Variants in THSD7B observed in about 807,000 individuals in gnomAD.
THSD7B encodes the protein thrombospondin type 1 domain containing 7B, also known as thrombospondin type-1 domain-containing protein 7B.
A neutral mutation model predicts 213.6 loss-of-function variants in THSD7B; 138 were observed. The ratio of observed to expected loss-of-function variants is 0.65; its 90% CI spans 0.56 to 0.74. The LOEUF is 0.74. Ranked by LOEUF, THSD7B falls within the 30% of genes least tolerant of loss-of-function variation. THSD7B has a pLI of 0.00. For missense variants in THSD7B, 1,931 were observed against 1,991.5 expected (o/e 0.97, Z 0.58); for synonymous variants, 742 against 687.0 (o/e 1.08, Z -1.25).
intron 12 of THSD7B, among the ~76,000 whole-genome samples, chr2:137,316,169 A>T (rs1684094050): frequency 6.6e-6 from 1 of 152,236 alleles, no homozygotes; most frequent in Admixed American, 6.5e-5. Flanking sequence ...ATCTGTTAGA[A>T]GTTATGGCCT....
intron 17 of THSD7B, among the ~76,000 whole-genome samples, chr2:137,580,176 A>T (rs972063405): frequency 2.6e-5 from 4 of 152,172 alleles, no homozygotes; most frequent in Non-Finnish European, 5.9e-5. Flanking sequence ...TCCTATACCA[A>T]CTAGTTTCTG....
chr2:137,010,135 C>T (rs923245494), intron 2 of THSD7B, among the ~76,000 whole-genome samples: 1 of 152,132 alleles, frequency 6.6e-6, no homozygotes, highest in African/African-American at 2.4e-5. Flanking sequence ...ACTGTGTAGA[C>T]ATCTTCAATT....
intron 12 of THSD7B, among the ~76,000 whole-genome samples, chr2:137,362,641 G>T (rs1685294718): frequency 6.6e-6 from 1 of 152,114 alleles, no homozygotes; most frequent in Admixed American, 6.6e-5. Flanking sequence ...GACAAAGAAG[G>T]CCATTACATA....
rs142168565 is a variant in THSD7B at position 137,478,264 on chromosome 2, T to C, written c.3138+27241T>C. On this transcript the variant is annotated intron_variant, in intron 15 of 27. Coordinates refer to ENST00000409968, the MANE Select transcript of THSD7B (RefSeq NM_001316349.2). ...CCATATATCATGTAGGCTTTAGTCA[T>C]TCATTTTTCTTTATTTTCATCTAAC... Among the ~76,000 whole-genome samples the C allele has an allele frequency of 9.2e-5, 14 of 152,296 alleles. No individual in the cohort carries two copies. The East Asian group carries it at 2.7e-3, about 29-fold the overall frequency.
chr2:137,572,662 G>A, intron 17 of THSD7B, 106 bp downstream of exon 17: 17 of 1,243,334 alleles, frequency 1.4e-5, no homozygotes, highest in Admixed American at 3.0e-5. Flanking sequence ...CTAGTAACAT[G>A]GGAAAATAAT....
intron 10 of THSD7B, among the ~76,000 whole-genome samples, chr2:137,262,271 A>G (rs1017785835): frequency 1.9e-4 from 29 of 152,094 alleles, no homozygotes; most frequent in African/African-American, 7.0e-4. Flanking sequence ...TTCCAGCAGT[A>G]TTTTTTCAGC....
chr2:137,357,578 A>G (rs1252774097), intron 12 of THSD7B, among the ~76,000 whole-genome samples: 6 of 152,154 alleles, frequency 3.9e-5, no homozygotes, highest in African/African-American at 9.7e-5. Context: ...GCCATCACCA[A>G]TTTTCCAGTT....
intron 2 of THSD7B, among the ~76,000 whole-genome samples, chr2:137,007,375 G>A (rs1686136250): frequency 6.6e-6 from 1 of 152,086 alleles, no homozygotes; most frequent in South Asian, 2.1e-4. Flanking sequence ...AAGCATTTTA[G>A]CAATTAAAAG....
intron 12 of THSD7B, among the ~76,000 whole-genome samples, chr2:137,364,763 A>T (rs1349259504): frequency 1.3e-5 from 2 of 152,232 alleles, no homozygotes; most frequent in Non-Finnish European, 2.9e-5. Flanking sequence ...ATGAAAAAAC[A>T]TTCCATGCTC....
intron 3 of THSD7B, among the ~76,000 whole-genome samples, chr2:137,064,431 C>CA (rs980720915): frequency 6.6e-6 from 1 of 151,860 alleles, no homozygotes; most frequent in African/African-American, 2.4e-5. Context: ...TGGTAGTTTG[C>CA]AAAAAATTTC....
At chr2:137,191,764 G>A (rs1290757568) in intron 7 of THSD7B, among the ~76,000 whole-genome samples, 3 of 152,020 alleles carry the variant, frequency 2.0e-5, no homozygotes, top group African/African-American at 7.2e-5. Context: ...CCTGTGCACA[G>A]GCTTACACAG....
intron 7 of THSD7B, among the ~76,000 whole-genome samples, chr2:137,176,521 G>A (rs973577349): frequency 3.9e-5 from 6 of 152,186 alleles, no homozygotes; most frequent in Non-Finnish European, 5.9e-5. Flanking sequence ...ATTTGTATTA[G>A]CAATGCAGAT....
intron 1 of THSD7B, among the ~76,000 whole-genome samples, chr2:136,864,695 G>A (rs1232693820): frequency 2.6e-5 from 4 of 152,134 alleles, no homozygotes; most frequent in Non-Finnish European, 4.4e-5. Context: ...TGGGACCACA[G>A]GCTCCAGCCA....
chr2:137,672,536 A>AAAAC (rs1323764296), intron 27 of THSD7B, among the ~76,000 whole-genome samples: 1 of 152,226 alleles, frequency 6.6e-6, no homozygotes, highest in African/African-American at 2.4e-5. Flanking sequence ...TATTGTTATA[A>AAAAC]AAACACGTAC....
intron 2 of THSD7B, among the ~76,000 whole-genome samples, chr2:136,982,243 C>T (rs577228005): frequency 6.6e-6 from 1 of 152,212 alleles, no homozygotes; most frequent in South Asian, 2.1e-4. Flanking sequence ...CTTGGTTTCT[C>T]TCTCCAAAAT....
intron 3 of THSD7B, among the ~76,000 whole-genome samples, chr2:137,060,462 T>C (rs1381506768): frequency 9.2e-5 from 14 of 152,024 alleles, no homozygotes; most frequent in Non-Finnish European, 2.9e-5. Context: ...TTTTCTCTTA[T>C]ATTTTCTTCT....
intron 15 of THSD7B, among the ~76,000 whole-genome samples, chr2:137,492,975 G>T (rs1679459015): frequency 1.3e-5 from 2 of 151,746 alleles, no homozygotes; most frequent in Admixed American, 1.3e-4. Context: ...TAAAAAATTA[G>T]CCGGGCGTGG....
chr2:137,655,082 A>G (rs1329289985), intron 21 of THSD7B, among the ~76,000 whole-genome samples: 1 of 152,228 alleles, frequency 6.6e-6, no homozygotes, highest in African/African-American at 2.4e-5. Flanking sequence ...AACCTAATCC[A>G]TAGAAAAAAG....
chr2:136,808,762 A>G (rs1311724066), intron 1 of THSD7B, among the ~76,000 whole-genome samples: 1 of 152,218 alleles, frequency 6.6e-6, no homozygotes, highest in Non-Finnish European at 1.5e-5. Flanking sequence ...ACTATTCTGT[A>G]TCTTCTGGCC....
Sources: allele counts gnomAD v4.1 joint callset (sites outside exome capture counted in the v4.1 genomes callset), GRCh38; gene constraint gnomAD v4.1.1; transcripts MANE v1.5; gene names NCBI Gene and HGNC (gene_info 2026-07-23, HGNC 2026-07-21).